Variants in PAGE2B observed in about 807,000 individuals in gnomAD.
PAGE2B encodes putative G antigen family E member 3.
In PAGE2B, 5 loss-of-function variants were observed where a neutral mutation model predicts 7.6. That is an observed-to-expected ratio of 0.66 (90% CI 0.34 to 1.38). The LOEUF (loss-of-function observed/expected upper bound fraction) is 1.38, where lower values mean the gene tolerates loss of function less well. Among genes scored for constraint, PAGE2B ranks in the 40% most tolerant of loss-of-function variants. The pLI, the probability that PAGE2B is intolerant of heterozygous loss-of-function variation, is 0.04. For synonymous variants in PAGE2B, 29 were observed against 26.7 expected (o/e 1.09, Z -0.27); for missense variants, 70 against 78.4 (o/e 0.89, Z 0.41).
At chrX:55,067,213 C>G in the PAGE2B span, among the ~76,000 whole-genome samples, 3 of 110,562 alleles carry the variant, frequency 2.7e-5, no homozygotes, top group Admixed American at 1.9e-4. Context: ...CCTAGCCCCC[C>G]ACCCCTGACA....
At chrX:55,031,994 G>T in the PAGE2B span, among the ~76,000 whole-genome samples, 3 of 111,281 alleles carry the variant, frequency 2.7e-5, no homozygotes, top group Admixed American at 9.6e-5. Flanking sequence ...TACCATGGAG[G>T]TTACAAAATC....
chrX:55,059,066 C>T, the PAGE2B span, among the ~76,000 whole-genome samples: 2 of 111,408 alleles, frequency 1.8e-5, no homozygotes, highest in Admixed American at 9.5e-5. Flanking sequence ...ATGAAATTAG[C>T]GTGGGACATT....
rs762014688 is a variant in PAGE2B, at chrX:55,076,017, C to G, written c.-8-17C>G. ...GTTCTTATACACTTTTTCCAAATAA[C>G]AGTATTCTATTTTCAGTGGGAAATA... is the stretch of plus-strand genomic sequence containing the variant. On this transcript the variant is annotated splice_polypyrimidine_tract_variant and intron_variant, in intron 1 of 4. Coordinates refer to ENST00000374971, the MANE Select transcript of PAGE2B (RefSeq NM_001015038.3). 3.1e-5 allele frequency: 37 copies of G among 1,182,372 alleles called. 1 individual carries two copies. The South Asian group carries it at 6.1e-4, about 19-fold the overall frequency.
the PAGE2B span, among the ~76,000 whole-genome samples, chrX:55,047,635 T>C: frequency 0.021 from 2,333 of 111,852 alleles, 70 homozygotes; most frequent in African/African-American, 0.072. Context: ...TGGTATCTCA[T>C]TGTGGTTTTG....
At chrX:55,035,798 G>A in the PAGE2B span, among the ~76,000 whole-genome samples, 1 of 112,104 alleles carries the variant, frequency 8.9e-6, no homozygotes, top group Non-Finnish European at 1.9e-5. Context: ...GTGTAAAAGA[G>A]TGAATCTGTT....
chrX:55,068,108 G>A, the PAGE2B span, among the ~76,000 whole-genome samples: 1 of 112,301 alleles, frequency 8.9e-6, no homozygotes, highest in East Asian at 2.8e-4. Context: ...TGCTTTTGAT[G>A]TTTTAGTCAT....
chrX:55,049,011 A>C, the PAGE2B span, among the ~76,000 whole-genome samples: 1 of 111,987 alleles, frequency 8.9e-6, no homozygotes, highest in East Asian at 2.8e-4. Context: ...AGTTTTTAGC[A>C]TGAAGGGTTG....
chrX:55,055,399 C>A, the PAGE2B span: 2 of 109,179 alleles, frequency 1.8e-5, no homozygotes, highest in African/African-American at 3.3e-5. Flanking sequence ...ATAAGACAAC[C>A]AAACATTTAA....
chrX:55,043,896 G>A, the PAGE2B span, among the ~76,000 whole-genome samples: 1 of 108,971 alleles, frequency 9.2e-6, no homozygotes, highest in Non-Finnish European at 1.9e-5. Flanking sequence ...AACCCAGGAG[G>A]CAGAGGTTGC....
chrX:55,042,345 T>G, the PAGE2B span, among the ~76,000 whole-genome samples: 1 of 110,923 alleles, frequency 9.0e-6, no homozygotes, highest in Admixed American at 9.6e-5. Flanking sequence ...GGAATATACC[T>G]AATCAAGAAG....
At chrX:55,045,974 T>C in the PAGE2B span, among the ~76,000 whole-genome samples, 1 of 111,479 alleles carries the variant, frequency 9.0e-6, no homozygotes, top group Non-Finnish European at 1.9e-5. Flanking sequence ...CAAGGTCTTG[T>C]AGGAGAAACA....
chrX:55,035,439 G>C, the PAGE2B span, among the ~76,000 whole-genome samples: 1 of 111,673 alleles, frequency 9.0e-6, no homozygotes, highest in East Asian at 2.8e-4. Context: ...AGGGAAAGGG[G>C]CAATCCAGGC....
At chrX:55,060,088 G>A in the PAGE2B span, among the ~76,000 whole-genome samples, 1 of 111,393 alleles carries the variant, frequency 9.0e-6, no homozygotes, top group African/African-American at 3.3e-5. Context: ...GAATAATACT[G>A]CAATGAACAT....
intron 2 of PAGE2B, 76 bp downstream of exon 2, chrX:55,076,201 A>G (rs1386913738): frequency 9.4e-7 from 1 of 1,061,624 alleles, no homozygotes; most frequent in Non-Finnish European, 1.3e-6. Flanking sequence ...GTGTACACGC[A>G]CTGATACAGG....
At chrX:55,071,704 G>A (rs777467179), upstream of PAGE2B, among the ~76,000 whole-genome samples, 47 of 111,743 alleles carry the variant, frequency 4.2e-4, no homozygotes, top group South Asian at 1.1e-3. Context: ...CATAGATTTG[G>A]TCTTTTCACA....
At chrX:55,046,659 A>G in the PAGE2B span, among the ~76,000 whole-genome samples, 3 of 112,085 alleles carry the variant, frequency 2.7e-5, no homozygotes, top group Admixed American at 2.8e-4. Flanking sequence ...GTTTATGACC[A>G]ACTTTATAGA....
the PAGE2B span, among the ~76,000 whole-genome samples, chrX:55,068,515 A>G: frequency 8.0e-5 from 9 of 112,062 alleles, no homozygotes; most frequent in East Asian, 2.0e-3. Context: ...TGTCTTGGCT[A>G]TGAGGGCTCT....
chrX:55,054,486 A>C, the PAGE2B span, among the ~76,000 whole-genome samples: 3 of 112,269 alleles, frequency 2.7e-5, no homozygotes, highest in Admixed American at 1.9e-4. Flanking sequence ...GGAAAAAATA[A>C]ATCATTGCTT....
At chrX:55,053,258 A>C in the PAGE2B span, among the ~76,000 whole-genome samples, 1 of 111,802 alleles carries the variant, frequency 8.9e-6, no homozygotes, top group Non-Finnish European at 1.9e-5. Context: ...TCCTCAGCAA[A>C]CTAACACAGG....
Sources: allele counts gnomAD v4.1 joint callset (sites outside exome capture counted in the v4.1 genomes callset), GRCh38; gene constraint gnomAD v4.1.1; transcripts MANE v1.5; gene names NCBI Gene and HGNC (gene_info 2026-07-23, HGNC 2026-07-21).